The following PLXNB2 variants were observed in gnomAD, a reference collection of about 807,000 sequenced individuals.
PLXNB2 encodes the protein plexin B2.
PLXNB2 carries 85 observed loss-of-function variants against 202.6 expected under a neutral mutation model. That is an observed-to-expected ratio of 0.42 (90% CI 0.35 to 0.50). The LOEUF is 0.50. Ranked by LOEUF, PLXNB2 falls within the 20% of genes least tolerant of loss-of-function variation. The pLI is 0.02. For missense variants in PLXNB2, 2,063 were observed against 2,586.2 expected (o/e 0.80, Z 4.39); for synonymous variants, 1,239 against 1,137.6 (o/e 1.09, Z -1.79).
rs199538913 is a variant in PLXNB2, at chr22:50,280,737, G to A, written c.3993+7C>T. The A allele has an allele frequency of 3.2e-5, 25 of 773,746 alleles. No individual in the cohort carries two copies. The East Asian group carries it at 6.3e-4, about 20-fold the overall frequency. 47.9% of individuals were successfully genotyped at this position (773,746 alleles called of 1,614,324 possible). ...GTGCCCTCCCGCCCGCCCGACGCCTGGCTCACATTGATGAGGAAAGACTTG... is the reference window on the plus strand; with the variant it reads ...GTGCCCTCCCGCCCGCCCGACGCCTAGCTCACATTGATGAGGAAAGACTTG... On this transcript the variant is annotated splice_region_variant and intron_variant, in intron 24 of 36. Coordinates refer to ENST00000359337, the MANE Select transcript of PLXNB2 (RefSeq NM_012401.4).
At chr22:50,277,563 G>T in intron 33 of PLXNB2, 28 bp downstream of exon 33, 1 of 1,536,352 alleles carries the variant, frequency 6.5e-7, no homozygotes, top group South Asian at 1.3e-5. Context: ...AGGCCTCCCT[G>T]CCCCAGACCT....
rs1310166216 is a variant in PLXNB2 at position 50,289,291 on chromosome 22, G to A, written c.1069-149C>T. 7.7e-6 allele frequency: 7 copies of A among 912,576 alleles called. No individual in the cohort carries two copies. The highest frequency in any genetic ancestry group is 1.1e-5 in the Non-Finnish European group (7 of 622,406). 56.5% of individuals were successfully genotyped at this position (912,576 alleles called of 1,614,324 possible). On this transcript the variant is annotated intron_variant, in intron 3 of 36. Coordinates refer to ENST00000359337, the MANE Select transcript of PLXNB2 (RefSeq NM_012401.4). This position sits in a 1 kb window ranked among gnomAD's most constrained non-coding sequence, Gnocchi z 8.0. ...GAGAACAGAACCCACATGGCAGGGAGCCCCACCGTGCTCACTGTTGTGTTC... is the reference window on the plus strand; with the variant it reads ...GAGAACAGAACCCACATGGCAGGGAACCCCACCGTGCTCACTGTTGTGTTC...
intron 16 of PLXNB2, 35 bp from the exon 17 acceptor site, chr22:50,283,221 G>A: frequency 1.3e-6 from 2 of 1,599,600 alleles, no homozygotes; most frequent in Non-Finnish European, 1.7e-6. Context: ...GGTGAGGACG[G>A]GGCACAGGAC....
chr22:50,285,252 CCCT>C, intron 11 of PLXNB2, among the ~76,000 whole-genome samples: 3 of 132,276 alleles, frequency 2.3e-5, no homozygotes, highest in Admixed American at 7.3e-5. Context: ...CGGCCGGCAC[CCCT>C]CCCTCCGCAC....
At chr22:50,287,357 G>A (rs2066531924) in intron 7 of PLXNB2, 93 bp from the exon 8 acceptor site, 16 of 1,355,698 alleles carry the variant, frequency 1.2e-5, no homozygotes, top group Middle Eastern at 2.1e-4. Flanking sequence ...GTGGGCGCAC[G>A]TCCCAGTGGA....
intron 8 of PLXNB2, 61 bp downstream of exon 8, chr22:50,287,050 G>A (rs557836809): frequency 5.3e-5 from 75 of 1,415,606 alleles, no homozygotes; most frequent in South Asian, 1.8e-4. Flanking sequence ...GCGAGAGCCC[G>A]TGTGCACAGG....
At chr22:50,281,545 C>T (rs758367672) in intron 21 of PLXNB2, 21 bp downstream of exon 21, 41 of 1,607,658 alleles carry the variant, frequency 2.6e-5, no homozygotes, top group African/African-American at 4.0e-5. Flanking sequence ...GGGCACCCCC[C>T]GCCAGTCCCC....
In PLXNB2 at chr22:50,278,104, C is replaced by T; in HGVS notation, c.4887+13G>A. 6.2e-7 allele frequency: 1 copy of T among 1,602,948 alleles called. No individual in the cohort carries two copies. The highest frequency in any genetic ancestry group is 1.3e-5 in the African/African-American group (1 of 74,994). ...GGCGGCCTGGTGCCGCCCACACACC[C>T]ATGGGGGCCCACCTTGACTGAGAGC... On this transcript the variant is annotated intron_variant, in intron 31 of 36. Transcript: ENST00000359337.
Position 50,276,923 on chromosome 22 carries a change from C to G in PLXNB2, c.5197-17G>C, listed in dbSNP as rs746843716. ...GGGAGAATCCTGTTGGGGACAAAAC[C>G]CAGTGATGCCTGGCCAAGGGGGCCA... On this transcript the variant is annotated splice_polypyrimidine_tract_variant and intron_variant, in intron 33 of 36. Coordinates refer to ENST00000359337, the MANE Select transcript of PLXNB2 (RefSeq NM_012401.4). 2.5e-6 allele frequency: 4 copies of G among 1,582,828 alleles called. No homozygotes were observed. Among genetic ancestry groups the G allele is most frequent in the Non-Finnish European group, 3.4e-6 (4 of 1,162,996 alleles).
chr22:50,281,629 C>T lies in PLXNB2; in HGVS notation c.3459G>A (p.Glu1153=). Residue 1153 remains glutamate, a synonymous_variant, in exon 21 of 37, where the codon GAG becomes GAA. Coordinates refer to ENST00000359337, the MANE Select transcript of PLXNB2 (RefSeq NM_012401.4). ...GCCGCCGCTTGGGCGGGGGCTGCAC[C>T]TCCGGGGGCTCACAGTACAGGTCGG... ...TETDLYCEPP[E]VQPPPKRRQK... The T allele has an allele frequency of 1.2e-6, 2 of 1,606,796 alleles. No individual in the cohort carries two copies. The highest frequency in any genetic ancestry group is 1.7e-6 in the Non-Finnish European group (2 of 1,176,338).
rs536333301 is a variant in PLXNB2 at position 50,289,029 on chromosome 22, G to T, written c.1182C>A (p.Ala394=). The T allele has an allele frequency of 9.9e-6, 16 of 1,610,028 alleles. No homozygotes were observed. The East Asian group carries it at 3.4e-4, about 34-fold the overall frequency. Residue 394 remains alanine, a synonymous_variant, in exon 4 of 37, where the codon GCC becomes GCA. Coordinates refer to ENST00000359337, the MANE Select transcript of PLXNB2 (RefSeq NM_012401.4). This position sits in a 1 kb window ranked among gnomAD's most constrained non-coding sequence, Gnocchi z 8.0. ...VLQRGGLNLT[A]VTVAAENNHT... is the part of the protein sequence containing the mutation. Reference sequence around the variant, plus strand: ...GGTTGTTCTCGGCGGCGACCGTCACGGCCGTGAGGTTCAGGCCTCCACGCT... The same window carrying T: ...GGTTGTTCTCGGCGGCGACCGTCACTGCCGTGAGGTTCAGGCCTCCACGCT...
At chr22:50,301,627 C>T (rs1316892065) in intron 1 of PLXNB2, among the ~76,000 whole-genome samples, 1 of 152,204 alleles carries the variant, frequency 6.6e-6, no homozygotes, top group African/African-American at 2.4e-5. Flanking sequence ...CAGCTCAACC[C>T]CGCAGCAGCC....
At chr22:50,293,832 G>T (rs1013891501) in intron 2 of PLXNB2, among the ~76,000 whole-genome samples, 1 of 152,222 alleles carries the variant, frequency 6.6e-6, no homozygotes, top group Non-Finnish European at 1.5e-5. Flanking sequence ...GGTACAGGAA[G>T]AAGGCTCTCC....
intron 6 of PLXNB2, 49 bp from the exon 7 acceptor site, chr22:50,287,842 C>A (rs371849010): frequency 6.3e-7 from 1 of 1,593,656 alleles, no homozygotes. Flanking sequence ...CTTGTTCTCC[C>A]GGGACAGGAC....
rs771857228 is a variant in PLXNB2 at position 50,288,910 on chromosome 22, T to G, written c.1252-39A>C. 8.1e-6 allele frequency: 13 copies of G among 1,610,926 alleles called. No individual in the cohort carries two copies. The highest frequency in any genetic ancestry group is 1.3e-5 in the African/African-American group (1 of 74,974). Reference sequence around the variant, plus strand: ...GGCAGGCCGGTGAGGGTACGGGCCTTGTGCACAGACGGGCCCTCCAGAGCC... The same window carrying G: ...GGCAGGCCGGTGAGGGTACGGGCCTGGTGCACAGACGGGCCCTCCAGAGCC... On this transcript the variant is annotated intron_variant, in intron 4 of 36. Coordinates refer to ENST00000359337, the MANE Select transcript of PLXNB2 (RefSeq NM_012401.4). The surrounding 1 kb of genome is among the most constrained non-coding windows in gnomAD (Gnocchi z 5.0).
chr22:50,278,305 AG>A (rs1490404339), intron 30 of PLXNB2, 34 bp from the exon 31 acceptor site: 2 of 1,607,750 alleles, frequency 1.2e-6, no homozygotes, highest in Admixed American at 1.7e-5. Flanking sequence ...ACCCCTACCC[AG>A]GTCTGGGGGC....
chr22:50,283,252 T>C, intron 16 of PLXNB2, 66 bp from the exon 17 acceptor site: 2 of 1,605,188 alleles, frequency 1.2e-6, no homozygotes, highest in East Asian at 2.2e-5. Flanking sequence ...CTGGGCTGGA[T>C]GGTAACTGTC....
At chr22:50,296,797 C>A (rs1213034299) in intron 1 of PLXNB2, among the ~76,000 whole-genome samples, 1 of 151,968 alleles carries the variant, frequency 6.6e-6, no homozygotes, top group Admixed American at 6.6e-5. Flanking sequence ...CAGGGCCAGG[C>A]CCCACTCTCC....
At chr22:50,282,418 G>C (rs1343477920) in intron 18 of PLXNB2, 105 bp from the exon 19 acceptor site, 1 of 1,269,976 alleles carries the variant, frequency 7.9e-7, no homozygotes, top group East Asian at 2.4e-5. Flanking sequence ...GGGGCTTCCA[G>C]GTGCATGTGT....
Sources: gnomAD v4.1 joint callset for allele counts (sites outside exome capture counted in the v4.1 genomes callset) on GRCh38, gnomAD v4.1.1 for gene constraint, Gnocchi (gnomAD v3.1) non-coding constraint, MANE v1.5 for transcripts, NCBI Gene and HGNC (gene_info 2026-07-23, HGNC 2026-07-21) for gene names.